Variants in OR8B3 observed in about 807,000 individuals in gnomAD.
OR8B3 encodes olfactory receptor 8B3.
For missense variants in OR8B3, 278 were observed against 377.6 expected (o/e 0.74, Z 2.19); for synonymous variants, 102 against 135.4 (o/e 0.75, Z 1.71).
chr11:124,396,364 A>G lies in OR8B3; in HGVS notation c.*46T>C, dbSNP rs756895157. On this transcript the variant is annotated 3_prime_UTR_variant, in exon 2 of 2. Coordinates refer to ENST00000641139, the MANE Select transcript of OR8B3 (RefSeq NM_001005467.2). ...AAATCTCTTCATGGAACACACTAATAAAAATTTAAAGTTCTTCAATCGTTT... is the reference window on the plus strand; with the variant it reads ...AAATCTCTTCATGGAACACACTAATGAAAATTTAAAGTTCTTCAATCGTTT... 9.3e-6 allele frequency: 14 copies of G among 1,503,450 alleles called. No individual in the cohort carries two copies. Among genetic ancestry groups the G allele is most frequent in the African/African-American group, 2.8e-5 (2 of 71,052 alleles). The allele number at this position is 1,503,450 out of a possible 1,614,324, so 93.1% of individuals were successfully genotyped here. A position where few individuals can be genotyped will look rare whatever the true frequency, so the allele number is the denominator to read the frequency against.
chr11:124,399,083 G>A (rs570513532), upstream of OR8B3: 2 of 152,242 alleles, frequency 1.3e-5, no homozygotes, highest in South Asian at 4.1e-4. Flanking sequence ...GTATGCCCTT[G>A]TTTACAGCCT....
chr11:124,399,592 G>T (rs1027071525), upstream of OR8B3, among the ~76,000 whole-genome samples: 1 of 152,072 alleles, frequency 6.6e-6, no homozygotes, highest in African/African-American at 2.4e-5. Context: ...CTTGTGAGAA[G>T]GCATCTATTT....
chr11:124,396,706 T>A lies in OR8B3; in HGVS notation c.646A>T (p.Ile216Phe). 6.2e-7 allele frequency: 1 copy of A among 1,613,744 alleles called. No individual in the cohort carries two copies. Among genetic ancestry groups the A allele is most frequent in the Non-Finnish European group, 8.5e-7 (1 of 1,179,842 alleles). ...CTAGTGACAATGAAAACATAAGAAA[T>A]GAGGATGGTACAACTGGGTACCATG... Reference protein sequence around the residue: ...NIMVPSCTILISYVFIVTSIL... With the variant: ...NIMVPSCTILFSYVFIVTSIL... The change falls in exon 2 of 2, where the codon ATT becomes TTT. Residue 216 changes from isoleucine to phenylalanine, a missense_variant. Transcript: ENST00000641139.
chr11:124,404,554 T>C, the OR8B3 span: 1 of 152,240 alleles, frequency 6.6e-6, no homozygotes, highest in Non-Finnish European at 1.5e-5. Flanking sequence ...AGAGTGTGTC[T>C]TGCTTCGCTA....
chr11:124,401,222 C>CAGAGAGAGAGAG (rs3071311), upstream of OR8B3, among the ~76,000 whole-genome samples: 5,852 of 142,428 alleles, frequency 0.041, 231 homozygotes, highest in African/African-American at 0.075. Flanking sequence ...TGCAAAGAGA[C>CAGAGAGAGAGAG]AGAGAGAGAG....
upstream of OR8B3, among the ~76,000 whole-genome samples, chr11:124,403,155 T>A (rs376663754): frequency 6.6e-6 from 1 of 152,250 alleles, no homozygotes; most frequent in African/African-American, 2.4e-5. Flanking sequence ...GGTAAGGTCA[T>A]AGATCAACAG....
At chr11:124,399,177 T>C (rs1011163366), upstream of OR8B3, among the ~76,000 whole-genome samples, 10 of 152,222 alleles carry the variant, frequency 6.6e-5, no homozygotes, top group Non-Finnish European at 1.2e-4. Context: ...CTCTCATGTA[T>C]AAAGATGTAA....
intron 1 of OR8B3, among the ~76,000 whole-genome samples, chr11:124,398,257 T>C (rs1465370003): frequency 7.5e-6 from 1 of 133,672 alleles, no homozygotes; most frequent in African/African-American, 3.3e-5. Flanking sequence ...CATTCTCCTC[T>C]ATTCCATCCT....
Position 124,396,698 on chromosome 11 carries a change from A to T in OR8B3, c.654T>A (p.Tyr218Ter). 6.2e-7 allele frequency: 1 copy of T among 1,613,942 alleles called. No individual in the cohort carries two copies. Among genetic ancestry groups the T allele is most frequent in the Non-Finnish European group, 8.5e-7 (1 of 1,179,872 alleles). ...GAAGAATGCTAGTGACAATGAAAACATAAGAAATGAGGATGGTACAACTGG... is the reference window on the plus strand; with the variant it reads ...GAAGAATGCTAGTGACAATGAAAACTTAAGAAATGAGGATGGTACAACTGG... ...MVPSCTILIS[Y>*]VFIVTSILHI... Residue 218 changes from tyrosine (Y) to a stop codon, truncating the protein, a stop_gained, in exon 2 of 2, where the codon TAT (tyrosine) becomes TAA (stop). Coordinates refer to ENST00000641139, the MANE Select transcript of OR8B3 (RefSeq NM_001005467.2). LOFTEE classifies it low-confidence loss of function (END_TRUNC).
upstream of OR8B3, among the ~76,000 whole-genome samples, chr11:124,403,128 G>A (rs1453401090): frequency 6.6e-6 from 1 of 152,236 alleles, no homozygotes; most frequent in Non-Finnish European, 1.5e-5. Context: ...ACATGTTTCA[G>A]AGAGCACAGG....
rs1283759456 is a variant in OR8B3 at position 124,395,661 on chromosome 11, A to G, written c.*749T>C. 6.6e-6 allele frequency: 1 copy of G among 152,214 alleles called. No individual in the cohort carries two copies. The highest frequency in any genetic ancestry group is 1.5e-5 in the Non-Finnish European group (1 of 68,038). 9.4% of individuals were successfully genotyped at this position (152,214 alleles called of 1,614,324 possible). On this transcript the variant is annotated 3_prime_UTR_variant, in exon 2 of 2. Transcript: ENST00000641139. Reference sequence around the variant, plus strand: ...ATTTTCAATGCTGTTTTAGATAGCAATGAATGAAAGTTTTATAATGTAAAC... The same window carrying G: ...ATTTTCAATGCTGTTTTAGATAGCAGTGAATGAAAGTTTTATAATGTAAAC...
At chr11:124,402,832 C>CT (rs1682195049), upstream of OR8B3, among the ~76,000 whole-genome samples, 1 of 64,450 alleles carries the variant, frequency 1.6e-5, no homozygotes, top group African/African-American at 3.8e-5. Flanking sequence ...ATAAATGATG[C>CT]TTCTTTTTTT....
At chr11:124,403,336 T>C (rs552997082), upstream of OR8B3, among the ~76,000 whole-genome samples, 6 of 152,352 alleles carry the variant, frequency 3.9e-5, no homozygotes, top group South Asian at 1.2e-3. Flanking sequence ...CTCAATGAGC[T>C]GTTGGGTACA....
chr11:124,396,208 C>T lies in OR8B3; in HGVS notation c.*202G>A, dbSNP rs1860863808. Reference sequence around the variant, plus strand: ...GCATATGTTCCTTTTACAAAGATGCCATGACCTATTTAGTAAAATTGTGAG... The same window carrying T: ...GCATATGTTCCTTTTACAAAGATGCTATGACCTATTTAGTAAAATTGTGAG... On this transcript the variant is annotated 3_prime_UTR_variant, in exon 2 of 2. Coordinates refer to ENST00000641139, the MANE Select transcript of OR8B3 (RefSeq NM_001005467.2). 1 of 541,180 alleles carries T rather than the reference C, an allele frequency of 1.8e-6. No homozygotes were observed. The allele number at this position is 541,180 out of a possible 1,614,324, so 33.5% of individuals were successfully genotyped here.
In OR8B3 at chr11:124,396,586, C is replaced by T; in HGVS notation, c.766G>A (p.Ala256Thr). 3 of 1,612,664 alleles carry T rather than the reference C, an allele frequency of 1.9e-6. No individual in the cohort carries two copies. Among genetic ancestry groups the T allele is most frequent in the Non-Finnish European group, 2.5e-6 (3 of 1,179,526 alleles). Residue 256 changes from alanine (A) to threonine (T), a missense_variant, in exon 2 of 2, where the codon GCA becomes ACA. Transcript: ENST00000641139. ...GAAGAATATTTAATATACATGAATG[C>T]CGCTGACCCAAAAAACAGAGACAGA... is the stretch of plus-strand genomic sequence containing the variant. ...IALSLFFGSA[A>T]FMYIKYSSGS...
upstream of OR8B3, among the ~76,000 whole-genome samples, chr11:124,402,936 G>C (rs1861019741): frequency 6.6e-6 from 1 of 151,950 alleles, no homozygotes; most frequent in South Asian, 2.1e-4. Context: ...ATAAACAAGT[G>C]AACAAAGGTC....
upstream of OR8B3, among the ~76,000 whole-genome samples, chr11:124,402,229 A>G (rs895311496): frequency 6.6e-6 from 1 of 152,232 alleles, no homozygotes; most frequent in African/African-American, 2.4e-5. Context: ...AACAGTACCC[A>G]TATCTTCAAG....
At chr11:124,402,037 A>G (rs1203953040), upstream of OR8B3, among the ~76,000 whole-genome samples, 3 of 152,210 alleles carry the variant, frequency 2.0e-5, no homozygotes, top group Non-Finnish European at 4.4e-5. Context: ...CTGTTCTTGC[A>G]TCTAGGCAAA....
the OR8B3 span, among the ~76,000 whole-genome samples, chr11:124,406,106 A>G: frequency 6.6e-6 from 1 of 152,190 alleles, no homozygotes; most frequent in Non-Finnish European, 1.5e-5. Context: ...TTGACACCAT[A>G]TGTGATTGTG....
Sources: allele counts gnomAD v4.1 joint callset (sites outside exome capture counted in the v4.1 genomes callset), GRCh38; gene constraint gnomAD v4.1.1; transcripts MANE v1.5; gene names NCBI Gene and HGNC (gene_info 2026-07-23, HGNC 2026-07-21).